The following ARHGAP44 variants were observed in gnomAD, a reference collection of about 807,000 sequenced individuals.
The protein encoded by ARHGAP44 is rho GTPase-activating protein 44.
ARHGAP44 carries 43 observed loss-of-function variants against 106.8 expected under a neutral mutation model. That is an observed-to-expected ratio of 0.40 (90% CI 0.32 to 0.52). The LOEUF is 0.52. Ranked by LOEUF, ARHGAP44 falls within the 20% of genes least tolerant of loss-of-function variation. ARHGAP44 has a pLI of 0.48. For synonymous variants in ARHGAP44, 439 were observed against 410.3 expected, an observed-to-expected ratio of 1.07 and a Z score of -0.85; for missense variants, 866 against 1,050.5, an observed-to-expected ratio of 0.82 and a Z score of 2.43.
chr17:12,811,114 C>A (rs2034426140), intron 1 of ARHGAP44, among the ~76,000 whole-genome samples: 1 of 151,970 alleles, frequency 6.6e-6, no homozygotes, highest in South Asian at 2.1e-4. Flanking sequence ...AGATCGAGAC[C>A]ATCCTGGCTA....
chr17:12,949,618 A>G lies in ARHGAP44; in HGVS notation c.974-31A>G, dbSNP rs761451453. ...GGTCTTGCCTCTGCCACATCATAAC[A>G]GTTCACAACCAATATTTCATTCATG... On this transcript the variant is annotated intron_variant, in intron 11 of 20. Transcript: ENST00000379672. The surrounding 1 kb of genome is among the most constrained non-coding windows in gnomAD (Gnocchi z 4.1). 2 of 1,607,466 alleles carry G rather than the reference A, an allele frequency of 1.2e-6. No homozygotes were observed. The highest frequency in any genetic ancestry group is 1.7e-6 in the Non-Finnish European group (2 of 1,174,550).
intron 6 of ARHGAP44, 107 bp from the exon 7 acceptor site, chr17:12,928,822 A>C: frequency 1.1e-6 from 1 of 936,408 alleles, no homozygotes; most frequent in Non-Finnish European, 1.6e-6. Flanking sequence ...CAGTGAGGGT[A>C]TGTAGTTCCC....
chr17:12,867,639 A>G (rs1333347778), intron 1 of ARHGAP44, among the ~76,000 whole-genome samples: 1 of 152,164 alleles, frequency 6.6e-6, no homozygotes, highest in Non-Finnish European at 1.5e-5. Context: ...AGGCTGGCAA[A>G]AGACTTTGGG....
intron 1 of ARHGAP44, among the ~76,000 whole-genome samples, chr17:12,805,079 G>A (rs1162136466): frequency 2.0e-5 from 3 of 152,180 alleles, no homozygotes; most frequent in African/African-American, 7.2e-5. Flanking sequence ...GGTGTTCATG[G>A]CATGATGAGA....
At chr17:12,887,866 G>GT (rs540643103) in intron 1 of ARHGAP44, among the ~76,000 whole-genome samples, 1,735 of 126,182 alleles carry the variant, frequency 0.014, 27 homozygotes, top group African/African-American at 0.036. Flanking sequence ...AATCATTTTT[G>GT]TTTTTTTTTT....
intron 1 of ARHGAP44, among the ~76,000 whole-genome samples, chr17:12,854,310 TGTG>T (rs1448899951): frequency 6.6e-6 from 1 of 152,162 alleles, no homozygotes; most frequent in African/African-American, 2.4e-5. Context: ...CCTGATCTGT[TGTG>T]GTCTTTTTTT....
chr17:12,978,056 A>AAAAAAAAAAAAAAAAAAAAAAT (rs71144940), intron 18 of ARHGAP44, among the ~76,000 whole-genome samples: 2 of 149,212 alleles, frequency 1.3e-5, no homozygotes, highest in East Asian at 2.0e-4. Flanking sequence ...AAAAAAAAAA[A>AAAAAAAAAAAAAAAAAAAAAAT]GTGTGTTTCG....
intron 1 of ARHGAP44, among the ~76,000 whole-genome samples, chr17:12,816,075 T>C (rs1210964812): frequency 6.6e-6 from 1 of 152,052 alleles, no homozygotes; most frequent in Non-Finnish European, 1.5e-5. Context: ...GAAGTGAGAT[T>C]ATAGGCATGG....
At chr17:12,874,422 G>A (rs1445422422) in intron 1 of ARHGAP44, among the ~76,000 whole-genome samples, 1 of 152,120 alleles carries the variant, frequency 6.6e-6, no homozygotes, top group Non-Finnish European at 1.5e-5. Flanking sequence ...GCCACAATGG[G>A]CAAGAGAGGG....
At chr17:12,888,550 A>G (rs2036949001) in intron 1 of ARHGAP44, among the ~76,000 whole-genome samples, 1 of 152,166 alleles carries the variant, frequency 6.6e-6, no homozygotes, top group African/African-American at 2.4e-5. Flanking sequence ...GGAAAATAAC[A>G]TATATTCTGC....
At chr17:12,952,434 A>T in intron 12 of ARHGAP44, 67 bp from the exon 13 acceptor site, 2 of 1,218,956 alleles carry the variant, frequency 1.6e-6, no homozygotes, top group Non-Finnish European at 2.4e-6. Flanking sequence ...ATGATTGGTT[A>T]ATATGATTTC....
chr17:12,868,591 T>TTA (rs1209692482), intron 1 of ARHGAP44, among the ~76,000 whole-genome samples: 1,942 of 46,616 alleles, frequency 0.042, 21 homozygotes, highest in East Asian at 0.095. Context: ...TATATGCATT[T>TTA]TATATATATA....
intron 17 of ARHGAP44, 197 bp downstream of exon 17, chr17:12,973,516 G>T (rs2039580865): frequency 1.6e-6 from 1 of 616,410 alleles, no homozygotes; most frequent in South Asian, 2.0e-5. Flanking sequence ...CTTCCCTGCT[G>T]TGTAGACAAG....
At chr17:12,809,734 C>T (rs993129246) in intron 1 of ARHGAP44, among the ~76,000 whole-genome samples, 5 of 152,158 alleles carry the variant, frequency 3.3e-5, no homozygotes, top group Non-Finnish European at 7.4e-5. Context: ...AGACTAATTA[C>T]GCAGTCAAAG....
At chr17:12,819,253 C>G (rs118172007) in intron 1 of ARHGAP44, among the ~76,000 whole-genome samples, 1 of 151,958 alleles carries the variant, frequency 6.6e-6, no homozygotes, top group Non-Finnish European at 1.5e-5. Context: ...GAGATTCATA[C>G]GTGTTGCATA....
chr17:12,824,673 TTTTCGGTG>T (rs1400291121), intron 1 of ARHGAP44, among the ~76,000 whole-genome samples: 2 of 152,108 alleles, frequency 1.3e-5, no homozygotes, highest in Non-Finnish European at 2.9e-5. Context: ...ATAATAATTA[TTTTCGGTG>T]TTTCCCATCA....
chr17:12,907,334 C>T (rs9909855), intron 3 of ARHGAP44, among the ~76,000 whole-genome samples: 21,799 of 152,114 alleles, frequency 0.14, 2,415 homozygotes, highest in East Asian at 0.38. Flanking sequence ...CAGCTTGTCT[C>T]TCCCTCCCTG....
intron 7 of ARHGAP44, among the ~76,000 whole-genome samples, chr17:12,930,465 T>G (rs1376018714): frequency 6.6e-6 from 1 of 152,198 alleles, no homozygotes; most frequent in East Asian, 1.9e-4. Context: ...CATGAACTCC[T>G]GATCTCAGGT....
Position 12,789,806 on chromosome 17 carries a change from C to T in ARHGAP44, c.-33C>T, listed in dbSNP as rs2033677866. On this transcript the variant is annotated 5_prime_UTR_variant, in exon 1 of 21. Coordinates refer to ENST00000379672, the MANE Select transcript of ARHGAP44 (RefSeq NM_014859.6). Reference sequence around the variant, plus strand: ...GGCTCCGGGCTGCTCCGTCCTTCCCCAGCTCCCGGGCTAGCGCGGCAGCGG... The same window carrying T: ...GGCTCCGGGCTGCTCCGTCCTTCCCTAGCTCCCGGGCTAGCGCGGCAGCGG... 6.7e-7 allele frequency: 1 copy of T among 1,493,324 alleles called. No individual in the cohort carries two copies. The highest frequency in any genetic ancestry group is 8.9e-7 in the Non-Finnish European group (1 of 1,122,722). 92.5% of individuals were successfully genotyped at this position (1,493,324 alleles called of 1,614,324 possible).
Sources: gnomAD v4.1 joint callset for allele counts (sites outside exome capture counted in the v4.1 genomes callset) on GRCh38, gnomAD v4.1.1 for gene constraint, Gnocchi (gnomAD v3.1) non-coding constraint, MANE v1.5 for transcripts, NCBI Gene and HGNC (gene_info 2026-07-23, HGNC 2026-07-21) for gene names.